The following PRKN variants were observed in gnomAD, a reference collection of about 807,000 sequenced individuals.
The protein encoded by PRKN is parkin RBR E3 ubiquitin protein ligase.
A neutral mutation model predicts 59.5 loss-of-function variants in PRKN; 56 were observed. The observed-to-expected ratio is 0.94, with a 90% CI of 0.76 to 1.18. The LOEUF (loss-of-function observed/expected upper bound fraction) is 1.18. Ranked by LOEUF, PRKN falls within the 50% of genes most tolerant of loss-of-function variation. PRKN has a pLI of 0.00. For synonymous variants in PRKN, 250 were observed against 222.1 expected (o/e 1.13, Z -1.12); for missense variants, 657 against 596.4 (o/e 1.10, Z -1.06).
intron 6 of PRKN, among the ~76,000 whole-genome samples, chr6:161,845,405 C>CA (rs1199285509): frequency 6.6e-6 from 1 of 152,128 alleles, no homozygotes; most frequent in Non-Finnish European, 1.5e-5. Context: ...GGGTCATTCC[C>CA]AAAGAGCTGG....
chr6:162,545,820 C>A (rs13193473), intron 1 of PRKN, among the ~76,000 whole-genome samples: 14,052 of 152,066 alleles, frequency 0.092, 761 homozygotes, highest in Middle Eastern at 0.18. Flanking sequence ...TAAAAATTTT[C>A]TCCTCCGAAT....
At chr6:162,040,345 C>A (rs1014963174) in intron 5 of PRKN, among the ~76,000 whole-genome samples, 8 of 151,600 alleles carry the variant, frequency 5.3e-5, no homozygotes, top group Non-Finnish European at 1.0e-4. Context: ...CTACTGTTTT[C>A]TGTTCTTAGA....
intron 7 of PRKN, among the ~76,000 whole-genome samples, chr6:161,680,775 A>ATATATATTTTTTTTTTTTTTTTTTTT (rs1216235673): frequency 3.3e-5 from 1 of 30,628 alleles, no homozygotes; most frequent in African/African-American, 1.2e-4. Flanking sequence ...ATATATATAT[A>ATATATATTTTTTTTTTTTTTTTTTTT]TTTTTTTTTT....
intron 6 of PRKN, among the ~76,000 whole-genome samples, chr6:161,968,702 A>AAACACCCTTTTATTTTTTAATTTT (rs1780681676): frequency 6.6e-6 from 1 of 152,220 alleles, no homozygotes; most frequent in South Asian, 2.1e-4. Context: ...ATAAGAATAA[A>AAACACCCTTTTATTTTTTAATTTT]AAATAGATTT....
At chr6:162,231,827 T>C (rs544750456) in intron 3 of PRKN, among the ~76,000 whole-genome samples, 51 of 152,214 alleles carry the variant, frequency 3.4e-4, no homozygotes, top group African/African-American at 1.2e-3. Flanking sequence ...GAGAAAAATA[T>C]ATATGAATTA....
At chr6:162,520,220 A>G (rs1326407643) in intron 1 of PRKN, among the ~76,000 whole-genome samples, 2 of 152,216 alleles carry the variant, frequency 1.3e-5, no homozygotes, top group Non-Finnish European at 2.9e-5. Context: ...CATCTACACT[A>G]TGGTACACTT....
At chr6:162,229,892 T>C (rs1417060162) in intron 3 of PRKN, among the ~76,000 whole-genome samples, 1 of 152,240 alleles carries the variant, frequency 6.6e-6, no homozygotes, top group East Asian at 1.9e-4. Context: ...AATTACTTGC[T>C]TACTGGCCAT....
chr6:162,143,649 A>G (rs1343681194), intron 4 of PRKN, among the ~76,000 whole-genome samples: 2 of 152,260 alleles, frequency 1.3e-5, no homozygotes, highest in African/African-American at 4.8e-5. Flanking sequence ...TGAAGAAAAT[A>G]AGAATGCAAA....
rs561599238 is a variant in PRKN at position 161,879,972 on chromosome 6, T to C, written c.734+93330A>G. On this transcript the variant is annotated intron_variant, in intron 6 of 11. Coordinates refer to ENST00000366898, the MANE Select transcript of PRKN (RefSeq NM_004562.3). ...TAGAAGTAGATGAAAATGCACAGAA[T>C]AAAGGAAATTCTGTCAAAATATATG... 5.7e-4 allele frequency among the ~76,000 whole-genome samples: 87 copies of C among 152,144 alleles called. 1 individual carries two copies. The highest frequency in any genetic ancestry group is 1.0e-3 in the Non-Finnish European group (68 of 68,030).
intron 1 of PRKN, among the ~76,000 whole-genome samples, chr6:162,678,771 G>GC (rs1257104785): frequency 6.6e-6 from 1 of 151,968 alleles, no homozygotes; most frequent in Admixed American, 6.6e-5. Context: ...TATCAATGTG[G>GC]TTTTTTACTC....
intron 5 of PRKN, among the ~76,000 whole-genome samples, chr6:162,019,784 C>T (rs571678739): frequency 2.0e-4 from 30 of 152,152 alleles, no homozygotes; most frequent in African/African-American, 6.7e-4. Flanking sequence ...TTTGGGAGGC[C>T]AAGGTGGGTG....
chr6:161,361,646 G>A lies in PRKN; in HGVS notation c.1168-1441C>T, dbSNP rs1440571258. 6.6e-6 allele frequency among the ~76,000 whole-genome samples: 1 copy of A among 152,180 alleles called. No homozygotes were observed. Among genetic ancestry groups the A allele is most frequent in the African/African-American group, 2.4e-5 (1 of 41,438 alleles). ...CCACAGACAAGCTTTGCCTAGGGCT[G>A]GTCACTGGGTGAAGCCAATTTCGTT... On this transcript the variant is annotated intron_variant, in intron 10 of 11. Coordinates refer to ENST00000366898, the MANE Select transcript of PRKN (RefSeq NM_004562.3). This position sits in a 1 kb window ranked among gnomAD's most constrained non-coding sequence, Gnocchi z 5.2.
At position 161,849,122 on chromosome 6, in the gene PRKN, G is replaced by A. The variant is rs548787752; in HGVS notation, c.735-63214C>T. 5.3e-5 allele frequency among the ~76,000 whole-genome samples: 8 copies of A among 152,246 alleles called. No individual in the cohort carries two copies. The South Asian group carries it at 1.2e-3, about 24-fold the overall frequency. On this transcript the variant is annotated intron_variant, in intron 6 of 11. Transcript: ENST00000366898. ...ACTTTACTTGGCATACTGCTCGTTT[G>A]CACTTGGTTTGTCAGACTCTCTACC... is the stretch of plus-strand genomic sequence containing the variant.
intron 6 of PRKN, among the ~76,000 whole-genome samples, chr6:161,885,398 G>C (rs1795097248): frequency 6.6e-6 from 1 of 152,076 alleles, no homozygotes; most frequent in Non-Finnish European, 1.5e-5. Context: ...GGGTGCGGTG[G>C]CTCAGCCTGT....
intron 3 of PRKN, among the ~76,000 whole-genome samples, chr6:162,223,612 G>GACACACACACACAC (rs34881644): frequency 6.2e-5 from 8 of 129,248 alleles, no homozygotes; most frequent in African/African-American, 2.2e-4. Flanking sequence ...ATAGACACGT[G>GACACACACACACAC]ACACACACAC....
At chr6:162,630,103 C>T (rs1217648520) in intron 1 of PRKN, among the ~76,000 whole-genome samples, 1 of 152,116 alleles carries the variant, frequency 6.6e-6, no homozygotes, top group Non-Finnish European at 1.5e-5. Flanking sequence ...AATAAAAGAT[C>T]CATACTTTTC....
rs1340162813 is a variant in PRKN, at chr6:161,429,822, G to C, written c.1084-42945C>G. 2.0e-5 allele frequency among the ~76,000 whole-genome samples: 3 copies of C among 152,166 alleles called. No individual in the cohort carries two copies. Among genetic ancestry groups the C allele is most frequent in the Non-Finnish European group, 2.9e-5 (2 of 68,042 alleles). ...TCATGGCTCCAGGTAGCTACCAAGA[G>C]AAGACTTCATTTTAATTCTTGTCAG... On this transcript the variant is annotated intron_variant, in intron 9 of 11. Coordinates refer to ENST00000366898, the MANE Select transcript of PRKN (RefSeq NM_004562.3). This position sits in a 1 kb window ranked among gnomAD's most constrained non-coding sequence, Gnocchi z 4.2.
chr6:162,710,356 C>T (rs1402071469), intron 1 of PRKN, among the ~76,000 whole-genome samples: 2 of 139,918 alleles, frequency 1.4e-5, no homozygotes, highest in East Asian at 4.3e-4. Flanking sequence ...GGACAGAAAG[C>T]CCCTGGCACC....
At position 161,554,730 on chromosome 6, in the gene PRKN, G is replaced by GTATATATATATATATATA. The variant is rs1165247669; in HGVS notation, c.934-5728_934-5727insTATATATATATATATATA. 2.2e-5 allele frequency among the ~76,000 whole-genome samples: 3 copies of GTATATATATATATATATA among 137,968 alleles called. No individual in the cohort carries two copies. Among genetic ancestry groups the GTATATATATATATATATA allele is most frequent in the African/African-American group, 8.1e-5 (3 of 36,902 alleles). 90.5% of individuals were successfully genotyped at this position (137,968 alleles called of 152,430 possible). A position where few individuals can be genotyped will look rare whatever the true frequency, so the allele number is the denominator to read the frequency against. The stretch of plus-strand genomic sequence containing the variant: ...ACAGGGATTGTGTGTGTGTGTGTGT[G>GTATATATATATATATATA]TGTGTATATATATATATATATATAC... On this transcript the variant is annotated intron_variant, in intron 8 of 11. Coordinates refer to ENST00000366898, the MANE Select transcript of PRKN (RefSeq NM_004562.3). This position sits in a 1 kb window ranked among gnomAD's most constrained non-coding sequence, Gnocchi z 4.5.
Sources: allele counts gnomAD v4.1 joint callset (sites outside exome capture counted in the v4.1 genomes callset), GRCh38; gene constraint gnomAD v4.1.1; non-coding constraint Gnocchi (gnomAD v3.1); transcripts MANE v1.5; gene names NCBI Gene and HGNC (gene_info 2026-07-23, HGNC 2026-07-21).